The following DPF3 variants were observed in gnomAD, a reference collection of about 807,000 sequenced individuals.
DPF3 encodes zinc finger protein DPF3.
A neutral mutation model predicts 56.8 loss-of-function variants in DPF3; 18 were observed. That is an observed-to-expected ratio of 0.32 (90% CI 0.22 to 0.47). The LOEUF (loss-of-function observed/expected upper bound fraction) is 0.47. DPF3 is among the 20% of genes least tolerant of loss of function. The pLI is 1.00. For synonymous variants in DPF3, 188 were observed against 180.2 expected, an observed-to-expected ratio of 1.04 and a Z score of -0.35; for missense variants, 403 against 488.8, an observed-to-expected ratio of 0.82 and a Z score of 1.65.
intron 1 of DPF3, among the ~76,000 whole-genome samples, chr14:72,884,360 A>G (rs1886434220): frequency 6.6e-6 from 1 of 152,144 alleles, no homozygotes; most frequent in African/African-American, 2.4e-5. Flanking sequence ...AGAAACATTT[A>G]TTTTTGTTTT....
chr14:72,779,433 C>T (rs1418701929), intron 1 of DPF3, among the ~76,000 whole-genome samples: 2 of 152,216 alleles, frequency 1.3e-5, no homozygotes, highest in Non-Finnish European at 2.9e-5. Flanking sequence ...TTTCAAACTC[C>T]TCAGTGTAGA....
chr14:72,850,920 AC>A (rs1884959224), intron 1 of DPF3, among the ~76,000 whole-genome samples: 1 of 152,328 alleles, frequency 6.6e-6, no homozygotes, highest in South Asian at 2.1e-4. Flanking sequence ...TGAGAAGTCA[AC>A]ATTTGCCCCA....
At chr14:72,689,882 T>G (rs2153572652) in intron 7 of DPF3, among the ~76,000 whole-genome samples, 1 of 152,246 alleles carries the variant, frequency 6.6e-6, no homozygotes, top group African/African-American at 2.4e-5. Context: ...AAAACTGGGT[T>G]AATCACAGAG....
rs912932160 is a variant in DPF3, at chr14:72,712,451, G to A, written c.604+1972C>T. Among the ~76,000 whole-genome samples, 5 of 152,316 alleles carry A rather than the reference G, an allele frequency of 3.3e-5. No individual in the cohort carries two copies. The South Asian group carries it at 6.2e-4, about 19-fold the overall frequency. On this transcript the variant is annotated intron_variant, in intron 6 of 10. Transcript: ENST00000556509. ...AAGTCAGAGAAAAGGGCACACAGGT[G>A]TGTGTGTCTGGGAGTCCATGGGATT...
chr14:72,764,787 G>A (rs977655165), intron 2 of DPF3, among the ~76,000 whole-genome samples: 12 of 152,236 alleles, frequency 7.9e-5, no homozygotes, highest in South Asian at 2.1e-4. Context: ...CACCGCGCCC[G>A]GCCTGTTTTC....
Position 72,771,720 on chromosome 14 carries a change from TG to T in DPF3, c.193+12del. The T allele has an allele frequency of 6.2e-7, 1 of 1,606,278 alleles. No individual in the cohort carries two copies. Among genetic ancestry groups the T allele is most frequent in the Non-Finnish European group, 8.5e-7 (1 of 1,176,378 alleles). On this transcript the variant is annotated intron_variant, in intron 2 of 10. Transcript: ENST00000556509. ...CCTGCACATGCGCATGTCCCAGGAGTGGCGCAGCTCACCTGGGCCTCGGTGC... is the reference window on the plus strand; with the variant it reads ...CCTGCACATGCGCATGTCCCAGGAGTGCGCAGCTCACCTGGGCCTCGGTGC...
intron 3 of DPF3, among the ~76,000 whole-genome samples, chr14:72,744,497 A>C (rs1890249912): frequency 6.6e-6 from 1 of 151,916 alleles, no homozygotes; most frequent in Non-Finnish European, 1.5e-5. Flanking sequence ...CCAGCTCCCC[A>C]CTTTCCAGCC....
chr14:72,683,689 A>T (rs1887271284), intron 7 of DPF3, among the ~76,000 whole-genome samples: 1 of 152,218 alleles, frequency 6.6e-6, no homozygotes, highest in Non-Finnish European at 1.5e-5. Context: ...GTGGACACGC[A>T]GGGCCTCACA....
chr14:72,837,387 A>G (rs538312271), intron 1 of DPF3, among the ~76,000 whole-genome samples: 1 of 152,258 alleles, frequency 6.6e-6, no homozygotes, highest in East Asian at 1.9e-4. Flanking sequence ...GGGTCCTACT[A>G]TGCATCAGGC....
At chr14:72,829,182 C>T (rs1053327798) in intron 1 of DPF3, among the ~76,000 whole-genome samples, 2 of 152,196 alleles carry the variant, frequency 1.3e-5, no homozygotes, top group Admixed American at 1.3e-4. Context: ...CCACTTTATA[C>T]ATGTGCACTT....
At chr14:72,835,809 G>A (rs547853970) in intron 1 of DPF3, among the ~76,000 whole-genome samples, 8 of 152,222 alleles carry the variant, frequency 5.3e-5, no homozygotes, top group South Asian at 2.1e-4. Context: ...GACCCGCAGC[G>A]AGGCAGCAAC....
At chr14:72,830,122 C>T (rs997821133) in intron 1 of DPF3, among the ~76,000 whole-genome samples, 2 of 152,154 alleles carry the variant, frequency 1.3e-5, no homozygotes, top group African/African-American at 4.8e-5. Context: ...GTTTTAACAC[C>T]ATTGTTTCTT....
At chr14:72,890,700 G>T (rs1170910127) in intron 1 of DPF3, among the ~76,000 whole-genome samples, 1 of 152,094 alleles carries the variant, frequency 6.6e-6, no homozygotes, top group Non-Finnish European at 1.5e-5. Flanking sequence ...AGACAATGTA[G>T]CTGCTAAATT....
At chr14:72,736,587 A>G (rs923652086) in intron 3 of DPF3, among the ~76,000 whole-genome samples, 4 of 152,036 alleles carry the variant, frequency 2.6e-5, no homozygotes, top group African/African-American at 7.2e-5. Flanking sequence ...CTCCCTACAA[A>G]CAAACACAGG....
intron 8 of DPF3, among the ~76,000 whole-genome samples, chr14:72,654,313 G>C (rs1886006662): frequency 6.6e-6 from 1 of 152,004 alleles, no homozygotes; most frequent in Non-Finnish European, 1.5e-5. Context: ...GCTCTCAGTG[G>C]TCTGCCTTCT....
chr14:72,761,476 G>A (rs1024157461), intron 2 of DPF3, among the ~76,000 whole-genome samples: 2 of 151,974 alleles, frequency 1.3e-5, no homozygotes, highest in African/African-American at 4.8e-5. Context: ...TAATCCATGA[G>A]TAAAAGAAGA....
chr14:72,694,013 TACCTCTCA>T (rs1157001352), intron 6 of DPF3, among the ~76,000 whole-genome samples: 2 of 152,188 alleles, frequency 1.3e-5, no homozygotes, highest in Non-Finnish European at 2.9e-5. Flanking sequence ...TCACAAGTAC[TACCTCTCA>T]AATGGGGCAG....
rs763002386 is a variant in DPF3, at chr14:72,674,404, T to TAC, written c.743-38_743-37dup. The TAC allele has an allele frequency of 2.5e-6, 4 of 1,600,700 alleles. No homozygotes were observed. The Admixed American group carries it at 6.8e-5, about 27-fold the overall frequency. On this transcript the variant is annotated intron_variant, in intron 7 of 10. Coordinates refer to ENST00000556509, the MANE Select transcript of DPF3 (RefSeq NM_001280542.3). ...ATTTAAAACATTCCAATTTCAGGCT[T>TAC]ACATGAGTTTCAACTGCCCCTTCTT...
At chr14:72,713,641 A>T (rs370681889) in intron 6 of DPF3, among the ~76,000 whole-genome samples, 14 of 152,232 alleles carry the variant, frequency 9.2e-5, no homozygotes, top group African/African-American at 2.9e-4. Flanking sequence ...GCCCTCCCAT[A>T]GAATGAGCAA....
Sources: gnomAD v4.1 joint callset for allele counts (sites outside exome capture counted in the v4.1 genomes callset) on GRCh38, gnomAD v4.1.1 for gene constraint, MANE v1.5 for transcripts, NCBI Gene and HGNC (gene_info 2026-07-23, HGNC 2026-07-21) for gene names.